Variants in ALMS1 observed in about 807,000 individuals in gnomAD.
ALMS1 encodes centrosome-associated protein ALMS1.
In ALMS1, 271 loss-of-function variants were observed where a neutral mutation model predicts 352.2. That is an observed-to-expected ratio of 0.77 (90% CI 0.70 to 0.85). The LOEUF (loss-of-function observed/expected upper bound fraction) is 0.85. Among genes scored for constraint, ALMS1 ranks in the 40% least tolerant of loss-of-function variants. ALMS1 has a pLI of 0.00. For missense variants in ALMS1, 5,445 were observed against 4,870.7 expected (o/e 1.12, Z -3.51); for synonymous variants, 1,865 against 1,761.2 (o/e 1.06, Z -1.48).
rs746692239 is a variant in ALMS1, at chr2:73,419,300, T to C, written c.628T>C (p.Phe210Leu). Residue 210 changes from phenylalanine to leucine, a missense_variant, in exon 3 of 23, where the codon TTC becomes CTC. Physicochemically the swap from Phe to Leu is conservative, Grantham distance 22. Coordinates refer to ENST00000613296, the MANE Select transcript of ALMS1 (RefSeq NM_001378454.1). ...AGTAAAGGAACCCAACAGAGATCTC[T>C]TCTGTTCTCCACTGCTAGGTAATGC... Reference protein sequence around the residue: ...NQVKEPNRDLFCSPLLVIQDS... With the variant: ...NQVKEPNRDLLCSPLLVIQDS... 6.2e-7 allele frequency: 1 copy of C among 1,608,992 alleles called. No homozygotes were observed. The highest frequency in any genetic ancestry group is 1.7e-5 in the Admixed American group (1 of 59,990).
chr2:73,496,998 C>T (rs926112820), intron 10 of ALMS1, among the ~76,000 whole-genome samples: 4 of 152,082 alleles, frequency 2.6e-5, no homozygotes, highest in Admixed American at 6.5e-5. Flanking sequence ...TCACAGTATG[C>T]GACTTGTCTT....
rs758062371 is a variant in ALMS1 at position 73,573,170 on chromosome 2, A to G, written c.11293A>G (p.Ile3765Val). ...CACCACTTCTACTGTCGAATCAGAT[A>G]TATTGACCCAAACAGATAGAGAGGT... is the stretch of plus-strand genomic sequence containing the variant. ...SGTTSTVESD[I>V]LTQTDREVAL... The change falls in exon 16 of 23, where the codon ATA (isoleucine) becomes GTA (valine). Residue 3765 changes from isoleucine (I) to valine (V), a missense_variant. By Grantham distance (29) the Ile-to-Val change is conservative. Coordinates refer to ENST00000613296, the MANE Select transcript of ALMS1 (RefSeq NM_001378454.1). 72 of 1,613,500 alleles carry G rather than the reference A, an allele frequency of 4.5e-5. No individual in the cohort carries two copies. Among genetic ancestry groups the G allele is most frequent in the African/African-American group, 6.7e-5 (5 of 74,896 alleles).
chr2:73,472,928 G>A (rs1309720528), intron 9 of ALMS1, among the ~76,000 whole-genome samples: 1 of 152,126 alleles, frequency 6.6e-6, no homozygotes, highest in Non-Finnish European at 1.5e-5. Flanking sequence ...CAGAGTATCA[G>A]CTGTAGAAGC....
At chr2:73,580,040 A>G (rs1170470078) in intron 16 of ALMS1, among the ~76,000 whole-genome samples, 1 of 151,992 alleles carries the variant, frequency 6.6e-6, no homozygotes, top group African/African-American at 2.4e-5. Flanking sequence ...GTATCCTACA[A>G]GTCTCTTAAG....
rs187867186 is a variant in ALMS1 at position 73,578,206 on chromosome 2, C to T, written c.11547+4782C>T. 1.2e-4 allele frequency among the ~76,000 whole-genome samples: 19 copies of T among 152,232 alleles called. 1 individual carries two copies. In the East Asian group the frequency reaches 3.7e-3, roughly 29 times the overall value. On this transcript the variant is annotated intron_variant, in intron 16 of 22. Coordinates refer to ENST00000613296, the MANE Select transcript of ALMS1 (RefSeq NM_001378454.1). ...ATATTAGGGTAACTACCCCAGCTCT[C>T]TTTTGGGTAACTATTTGCATGGAAT...
chr2:73,575,719 A>G (rs1414433216), intron 16 of ALMS1, among the ~76,000 whole-genome samples: 3 of 152,126 alleles, frequency 2.0e-5, no homozygotes. Context: ...TATTCTGGAT[A>G]TTGATCTCTT....
At position 73,455,187 on chromosome 2, in the gene ALMS1, A is replaced by G; in HGVS notation, c.7566A>G (p.Ala2522=). 1 of 1,613,300 alleles carries G rather than the reference A, an allele frequency of 6.2e-7. No homozygotes were observed. Among genetic ancestry groups the G allele is most frequent in the Non-Finnish European group, 8.5e-7 (1 of 1,179,730 alleles). The stretch of plus-strand genomic sequence containing the variant: ...CCTGGAATATGAAGTTCAATTTAGC[A>G]CATGATTGTGGATACTCCATTTCAG... ...AHAWNMKFNL[A]HDCGYSISEL... is the part of the protein sequence containing the mutation. Residue 2522 remains alanine, a synonymous_variant, in exon 9 of 23, where the codon GCA becomes GCG. Coordinates refer to ENST00000613296, the MANE Select transcript of ALMS1 (RefSeq NM_001378454.1).
rs2103774306 is a variant in ALMS1, at chr2:73,448,750, T to C, written c.2223T>C (p.Thr741=). The change falls in exon 8 of 23, where the codon ACT becomes ACC. Residue 741 remains threonine (T), a synonymous_variant. Coordinates refer to ENST00000613296, the MANE Select transcript of ALMS1 (RefSeq NM_001378454.1). ...ADSHQTEETL[T]KVSATPGPAD... ...GTCATCAAACTGAAGAGACTCTTAC[T>C]AAAGTTTCAGCCACTCCTGGACCAG... 2 of 1,604,910 alleles carry C rather than the reference T, an allele frequency of 1.2e-6. No homozygotes were observed. Among genetic ancestry groups the C allele is most frequent in the Non-Finnish European group, 1.7e-6 (2 of 1,173,964 alleles).
At chr2:73,387,542 G>C (rs564629676) in intron 1 of ALMS1, among the ~76,000 whole-genome samples, 8 of 152,102 alleles carry the variant, frequency 5.3e-5, no homozygotes, top group Non-Finnish European at 1.2e-4. Context: ...ACATGAAAAG[G>C]TACTGTTGAT....
intron 21 of ALMS1, among the ~76,000 whole-genome samples, chr2:73,604,344 GCTGTGATCACA>G (rs1346736361): frequency 1.3e-5 from 2 of 152,152 alleles, no homozygotes; most frequent in Non-Finnish European, 2.9e-5. Context: ...ACTGCAGTGA[GCTGTGATCACA>G]CCATTACGCT....
At chr2:73,436,691 C>G (rs1041843077) in intron 7 of ALMS1, among the ~76,000 whole-genome samples, 3 of 152,158 alleles carry the variant, frequency 2.0e-5, no homozygotes, top group Non-Finnish European at 2.9e-5. Flanking sequence ...TTTTTCACTT[C>G]AGTTACTGTA....
At chr2:73,485,714 G>C (rs891288865) in intron 9 of ALMS1, among the ~76,000 whole-genome samples, 1 of 152,166 alleles carries the variant, frequency 6.6e-6, no homozygotes, top group Non-Finnish European at 1.5e-5. Flanking sequence ...TGCTGTGCTA[G>C]CAATCAGCGA....
chr2:73,556,771 C>T (rs1674554172), intron 13 of ALMS1, among the ~76,000 whole-genome samples: 1 of 151,934 alleles, frequency 6.6e-6, no homozygotes, highest in African/African-American at 2.4e-5. Flanking sequence ...GGCACAGTCT[C>T]AGCTCACTGC....
At chr2:73,592,658 G>T (rs183916925) in intron 16 of ALMS1, among the ~76,000 whole-genome samples, 6 of 152,338 alleles carry the variant, frequency 3.9e-5, no homozygotes, top group Admixed American at 3.9e-4. Context: ...AAGAATAGCA[G>T]TGTAGGGTCA....
intron 2 of ALMS1, among the ~76,000 whole-genome samples, chr2:73,412,291 A>G (rs1438139002): frequency 1.3e-5 from 2 of 152,022 alleles, no homozygotes; most frequent in African/African-American, 4.8e-5. Flanking sequence ...TACTTATCCA[A>G]TTTCTTTCTC....
intron 5 of ALMS1, 44 bp from the exon 6 acceptor site, chr2:73,426,409 T>A (rs933703647): frequency 6.2e-7 from 1 of 1,600,134 alleles, no homozygotes; most frequent in African/African-American, 1.3e-5. Context: ...CTGAGCCTAG[T>A]TTTACTATAC....
At chr2:73,454,318 C>T in intron 8 of ALMS1, 1 of 984,862 alleles carries the variant, frequency 1.0e-6, no homozygotes, top group Non-Finnish European at 1.2e-6. Context: ...TAGTACCAGC[C>T]TGAGTTTACG....
intron 6 of ALMS1, 72 bp downstream of exon 6, chr2:73,426,625 T>G: frequency 6.8e-7 from 1 of 1,477,872 alleles, no homozygotes; most frequent in Non-Finnish European, 9.4e-7. Flanking sequence ...ATGGTATTGT[T>G]TGTTTTTATT....
chr2:73,558,957 A>C lies in ALMS1; in HGVS notation c.10214-15A>C, dbSNP rs373014567. ...AAGTTCCTGTCTGTATAGTGTGTTAATTTCCCTTTCGTAGATTCCAGTGCT... is the reference window on the plus strand; with the variant it reads ...AAGTTCCTGTCTGTATAGTGTGTTACTTTCCCTTTCGTAGATTCCAGTGCT... On this transcript the variant is annotated splice_polypyrimidine_tract_variant and intron_variant, in intron 14 of 22. Coordinates refer to ENST00000613296, the MANE Select transcript of ALMS1 (RefSeq NM_001378454.1). 2 of 1,613,592 alleles carry C rather than the reference A, an allele frequency of 1.2e-6. No individual in the cohort carries two copies. The highest frequency in any genetic ancestry group is 8.5e-7 in the Non-Finnish European group (1 of 1,179,828).
Sources: gnomAD v4.1 joint callset for allele counts (sites outside exome capture counted in the v4.1 genomes callset) on GRCh38, gnomAD v4.1.1 for gene constraint, MANE v1.5 for transcripts, NCBI Gene and HGNC (gene_info 2026-07-23, HGNC 2026-07-21) for gene names.